Variants in DIAPH2 observed in about 807,000 individuals in gnomAD.
DIAPH2 encodes the protein diaphanous related formin 2, also known as protein diaphanous homolog 2.
Under a neutral mutation model 92.7 loss-of-function variants are expected in DIAPH2, and 35 were observed. The ratio of observed to expected loss-of-function variants is 0.38; its 90% CI spans 0.29 to 0.50. The LOEUF is 0.50. DIAPH2 is among the 20% of genes least tolerant of loss of function. The pLI is 0.94. For synonymous variants in DIAPH2, 301 were observed against 280.4 expected (o/e 1.07, Z -0.73); for missense variants, 701 against 819.5 (o/e 0.86, Z 1.77).
chrX:96,971,164 G>A (rs1038281092), intron 17 of DIAPH2, among the ~76,000 whole-genome samples: 9 of 111,570 alleles, frequency 8.1e-5, no homozygotes, highest in Non-Finnish European at 1.3e-4. Flanking sequence ...TACCAATGAA[G>A]AAACTGAAGT....
chrX:97,233,180 GGGCC>G (rs1439052890), intron 22 of DIAPH2, among the ~76,000 whole-genome samples: 5 of 112,072 alleles, frequency 4.5e-5, no homozygotes, highest in Non-Finnish European at 9.4e-5. Flanking sequence ...TTAACTTTCA[GGGCC>G]TAAAAGAACT....
At chrX:97,018,917 C>G (rs768990602) in intron 17 of DIAPH2, among the ~76,000 whole-genome samples, 30 of 111,662 alleles carry the variant, frequency 2.7e-4, no homozygotes, top group Admixed American at 2.2e-3. Context: ...TGCCTTCATT[C>G]CTCCCTCCAA....
intron 26 of DIAPH2, among the ~76,000 whole-genome samples, chrX:97,589,835 C>T (rs1282813305): frequency 2.7e-5 from 3 of 112,120 alleles, no homozygotes; most frequent in Non-Finnish European, 5.6e-5. Context: ...GTGTTAGACA[C>T]TAGAAATATA....
At chrX:97,349,369 G>A (rs988233088) in intron 24 of DIAPH2, among the ~76,000 whole-genome samples, 2 of 111,122 alleles carry the variant, frequency 1.8e-5, no homozygotes, top group Non-Finnish European at 3.8e-5. Context: ...GATTACAGGC[G>A]TGAGGACCTC....
Position 97,601,561 on chromosome X carries a change from A to ATGAT in DIAPH2, c.*2247_*2250dup, listed in dbSNP as rs1450157635. ...CTAGCCATTTGCAGTTTTGTTTTAG[A>ATGAT]TGATTGGAAAGTATATCACCAAAAA... On this transcript the variant is annotated 3_prime_UTR_variant, in exon 27 of 27. Coordinates refer to ENST00000324765, the MANE Select transcript of DIAPH2 (RefSeq NM_006729.5). The ATGAT allele has an allele frequency of 9.0e-6, 1 of 111,695 alleles. No homozygotes were observed. Among genetic ancestry groups the ATGAT allele is most frequent in the Admixed American group, 9.5e-5 (1 of 10,486 alleles). 9.2% of individuals were successfully genotyped at this position (111,695 alleles called of 1,213,427 possible).
At chrX:96,769,883 C>T (rs2064327349) in intron 4 of DIAPH2, among the ~76,000 whole-genome samples, 2 of 112,095 alleles carry the variant, frequency 1.8e-5, no homozygotes, top group African/African-American at 6.5e-5. Flanking sequence ...GAAGGTAATA[C>T]TGAGAGTAAG....
chrX:96,916,587 A>G lies in DIAPH2; in HGVS notation c.869+13A>G, dbSNP rs979951544. 3.4e-6 allele frequency: 4 copies of G among 1,183,938 alleles called. No homozygotes were observed. In the South Asian group the frequency reaches 5.7e-5, roughly 17 times the overall value. ...GAGAAGAGAACATGTAAGTATTGCT[A>G]TATTATTATATTTGCTGCATGGAAA... On this transcript the variant is annotated intron_variant, in intron 8 of 26. Coordinates refer to ENST00000324765, the MANE Select transcript of DIAPH2 (RefSeq NM_006729.5).
At chrX:97,411,055 C>T (rs1393510862) in intron 25 of DIAPH2, among the ~76,000 whole-genome samples, 1 of 110,837 alleles carries the variant, frequency 9.0e-6, no homozygotes, top group African/African-American at 3.3e-5. Flanking sequence ...AAACAGAGAC[C>T]GCCACAAAGA....
intron 23 of DIAPH2, among the ~76,000 whole-genome samples, chrX:97,342,996 T>C (rs2069125028): frequency 9.0e-6 from 1 of 111,592 alleles, no homozygotes; most frequent in Non-Finnish European, 1.9e-5. Context: ...CCAGGCATAG[T>C]ACTTTAAAGG....
chrX:96,940,259 A>G (rs1327404877), intron 12 of DIAPH2, among the ~76,000 whole-genome samples: 1 of 112,345 alleles, frequency 8.9e-6, no homozygotes, highest in Non-Finnish European at 1.9e-5. Flanking sequence ...TAAGAAAATA[A>G]AAGTGCTAAT....
intron 4 of DIAPH2, among the ~76,000 whole-genome samples, chrX:96,802,995 G>A (rs941744497): frequency 8.1e-5 from 9 of 111,257 alleles, no homozygotes; most frequent in African/African-American, 2.6e-4. Flanking sequence ...GGACGACTCC[G>A]CCAGTCTACT....
chrX:97,389,651 C>A (rs888792509), intron 25 of DIAPH2, among the ~76,000 whole-genome samples: 2 of 110,758 alleles, frequency 1.8e-5, no homozygotes, highest in Admixed American at 9.7e-5. Context: ...TGTTATAGGA[C>A]CAACAAGTTT....
intron 26 of DIAPH2, among the ~76,000 whole-genome samples, chrX:97,456,854 C>A (rs139723879): frequency 0.028 from 3,081 of 111,398 alleles, 34 homozygotes; most frequent in Middle Eastern, 0.042. Flanking sequence ...ATGTTTTTTT[C>A]ATCTGTGAAC....
At chrX:97,352,801 C>A (rs1467606403) in intron 24 of DIAPH2, among the ~76,000 whole-genome samples, 1 of 92,895 alleles carries the variant, frequency 1.1e-5, no homozygotes, top group Non-Finnish European at 2.1e-5. Context: ...ACCCAGGAGG[C>A]GGAGCTTGCA....
At chrX:97,394,134 T>C (rs1374766950) in intron 25 of DIAPH2, among the ~76,000 whole-genome samples, 4 of 112,022 alleles carry the variant, frequency 3.6e-5, no homozygotes, top group Non-Finnish European at 5.6e-5. Context: ...CTTACTGTCA[T>C]ACCCCAGACA....
At chrX:97,558,722 C>G (rs2071273487) in intron 26 of DIAPH2, among the ~76,000 whole-genome samples, 1 of 111,007 alleles carries the variant, frequency 9.0e-6, no homozygotes, top group Admixed American at 9.6e-5. Flanking sequence ...AATCTTACAT[C>G]TAACCAAGAT....
chrX:97,000,048 G>A (rs1301603598), intron 17 of DIAPH2, among the ~76,000 whole-genome samples: 1 of 111,839 alleles, frequency 8.9e-6, no homozygotes, highest in Non-Finnish European at 1.9e-5. Context: ...AAATTAGCCA[G>A]TCTTGGGTAT....
chrX:97,370,049 G>GT (rs2069430262), intron 24 of DIAPH2, among the ~76,000 whole-genome samples: 1 of 111,649 alleles, frequency 9.0e-6, no homozygotes, highest in Non-Finnish European at 1.9e-5. Flanking sequence ...AGCCATGAGT[G>GT]AAAGAGGCTT....
intron 17 of DIAPH2, among the ~76,000 whole-genome samples, chrX:97,001,578 G>A (rs752885140): frequency 1.9e-4 from 21 of 111,001 alleles, no homozygotes; most frequent in Non-Finnish European, 4.0e-4. Flanking sequence ...CCTGGGAGGC[G>A]GAGGTTGCAG....
Sources: gnomAD v4.1 joint callset for allele counts (sites outside exome capture counted in the v4.1 genomes callset) on GRCh38, gnomAD v4.1.1 for gene constraint, MANE v1.5 for transcripts, NCBI Gene and HGNC (gene_info 2026-07-23, HGNC 2026-07-21) for gene names.